Variants in CCDC158 observed in about 807,000 individuals in gnomAD.
The protein encoded by CCDC158 is coiled-coil domain containing 158, also known as coiled-coil domain-containing protein 158.
Under a neutral mutation model 138.6 loss-of-function variants are expected in CCDC158, and 116 were observed. That is an observed-to-expected ratio of 0.84 (90% CI 0.72 to 0.98). The LOEUF is 0.98. Ranked by LOEUF, CCDC158 falls within the 50% of genes least tolerant of loss-of-function variation. The probability of loss-of-function intolerance (pLI) is 0.00; values close to 1 mark genes in which losing one functional copy is unlikely to be tolerated. For missense variants in CCDC158, 1,265 were observed against 1,306.1 expected (o/e 0.97, Z 0.48); for synonymous variants, 436 against 442.4 (o/e 0.99, Z 0.18).
At chr4:76,313,910 T>C (rs1354236076) in intron 24 of CCDC158, among the ~76,000 whole-genome samples, 1 of 152,248 alleles carries the variant, frequency 6.6e-6, no homozygotes, top group African/African-American at 2.4e-5. Flanking sequence ...GCATAGTATT[T>C]ACTAGTATTT....
intron 24 of CCDC158, among the ~76,000 whole-genome samples, chr4:76,320,510 C>T (rs1318419150): frequency 6.6e-6 from 1 of 152,112 alleles, no homozygotes; most frequent in African/African-American, 2.4e-5. Flanking sequence ...AAGAACAAAT[C>T]TGGAGGCATC....
At chr4:76,346,323 T>C (rs1722540496) in intron 18 of CCDC158, among the ~76,000 whole-genome samples, 1 of 152,202 alleles carries the variant, frequency 6.6e-6, no homozygotes, top group Admixed American at 6.5e-5. Flanking sequence ...GACATAGGCA[T>C]GGGCAAAGAC....
intron 1 of CCDC158, among the ~76,000 whole-genome samples, chr4:76,420,654 C>A (rs1160555289): frequency 6.6e-6 from 1 of 152,186 alleles, no homozygotes; most frequent in African/African-American, 2.4e-5. Context: ...GCGCGGTAGA[C>A]ACAGAGTCAG....
chr4:76,416,059 T>C (rs1045594310), intron 1 of CCDC158, among the ~76,000 whole-genome samples: 8 of 152,354 alleles, frequency 5.3e-5, no homozygotes, highest in Admixed American at 5.2e-4. Context: ...CACCTGGCTC[T>C]GCCTTTTAGA....
chr4:76,331,081 A>C (rs991897820), intron 21 of CCDC158, among the ~76,000 whole-genome samples: 1 of 152,178 alleles, frequency 6.6e-6, no homozygotes, highest in South Asian at 2.1e-4. Flanking sequence ...ATAATTGTTA[A>C]TATATATAGA....
At chr4:76,361,345 G>A (rs879874109) in intron 13 of CCDC158, among the ~76,000 whole-genome samples, 14 of 152,070 alleles carry the variant, frequency 9.2e-5, no homozygotes, top group East Asian at 1.9e-4. Flanking sequence ...GGTGGATCAC[G>A]AGGTCAGGAG....
upstream of CCDC158, among the ~76,000 whole-genome samples, chr4:76,421,145 C>T (rs1475949922): frequency 6.6e-6 from 1 of 151,982 alleles, no homozygotes; most frequent in African/African-American, 2.4e-5. Flanking sequence ...GGAAGCTGCC[C>T]GCGCCCGTCA....
intron 9 of CCDC158, among the ~76,000 whole-genome samples, chr4:76,374,997 C>G (rs1368878738): frequency 1.3e-5 from 2 of 152,142 alleles, no homozygotes; most frequent in Admixed American, 6.5e-5. Context: ...TGCTATAGGT[C>G]TGCTTTTACC....
chr4:76,358,605 T>C (rs970060745), intron 13 of CCDC158, among the ~76,000 whole-genome samples: 1 of 152,184 alleles, frequency 6.6e-6, no homozygotes, highest in African/African-American at 2.4e-5. Context: ...CATTTGCCCA[T>C]AATGTTCTCT....
intron 3 of CCDC158, among the ~76,000 whole-genome samples, chr4:76,397,685 C>A (rs1467553517): frequency 1.3e-5 from 2 of 152,122 alleles, no homozygotes; most frequent in Non-Finnish European, 2.9e-5. Flanking sequence ...AGGAAAGACA[C>A]AAATATGAAT....
chr4:76,367,522 T>C lies in CCDC158; in HGVS notation c.1602A>G (p.Gln534=). Reference sequence around the variant, plus strand: ...GATGATCCCCTTCATTTTTCAAGTGTTGCAGCTCCTGCAATTTCAAGTCCA... The same window carrying C: ...GATGATCCCCTTCATTTTTCAAGTGCTGCAGCTCCTGCAATTTCAAGTCCA... ...SRVDLKLQEL[Q]HLKNEGDHLR... is the part of the protein sequence containing the mutation. The change falls in exon 12 of 25, where the codon CAA becomes CAG. Residue 534 remains glutamine, a synonymous_variant. Transcript: ENST00000682701. 1 of 1,614,240 alleles carries C rather than the reference T, an allele frequency of 6.2e-7. No individual in the cohort carries two copies. The highest frequency in any genetic ancestry group is 1.3e-5 in the African/African-American group (1 of 75,060).
At chr4:76,346,572 T>C (rs1267870095) in intron 18 of CCDC158, among the ~76,000 whole-genome samples, 1 of 152,132 alleles carries the variant, frequency 6.6e-6, no homozygotes, top group Non-Finnish European at 1.5e-5. Context: ...TAGCTGGGCA[T>C]GGTGGCACGT....
chr4:76,419,825 AT>A (rs1729971366), intron 1 of CCDC158, among the ~76,000 whole-genome samples: 1 of 150,858 alleles, frequency 6.6e-6, no homozygotes, highest in South Asian at 2.1e-4. Context: ...GACCTGACAT[AT>A]TTGAGTGGCC....
chr4:76,370,247 A>G (rs7665248), intron 10 of CCDC158, among the ~76,000 whole-genome samples: 4,471 of 152,330 alleles, frequency 0.029, 221 homozygotes, highest in African/African-American at 0.1. Context: ...TCATTAAAGG[A>G]ACAAAGATAA....
intron 2 of CCDC158, among the ~76,000 whole-genome samples, chr4:76,410,355 T>G (rs1729201484): frequency 6.6e-6 from 1 of 152,082 alleles, no homozygotes; most frequent in Non-Finnish European, 1.5e-5. Context: ...CAACTAATTT[T>G]TGTATTTTTA....
At chr4:76,405,514 C>T (rs987230718) in intron 2 of CCDC158, among the ~76,000 whole-genome samples, 1 of 152,020 alleles carries the variant, frequency 6.6e-6, no homozygotes, top group Non-Finnish European at 1.5e-5. Context: ...TAAAGACAAA[C>T]ATTTAAAAAA....
chr4:76,325,704 C>G (rs1279849745), intron 23 of CCDC158, among the ~76,000 whole-genome samples, 153 bp downstream of exon 23: 1 of 152,160 alleles, frequency 6.6e-6, no homozygotes, highest in Admixed American at 6.6e-5. Context: ...AATAGCTGTT[C>G]TATTTAAAAA....
chr4:76,411,339 C>T (rs1009548369), intron 2 of CCDC158, among the ~76,000 whole-genome samples: 1 of 152,020 alleles, frequency 6.6e-6, no homozygotes, highest in Non-Finnish European at 1.5e-5. Context: ...GAGTTCAAGG[C>T]TGTAATCAGC....
chr4:76,334,580 A>G (rs2110110853), intron 18 of CCDC158, among the ~76,000 whole-genome samples: 1 of 152,344 alleles, frequency 6.6e-6, no homozygotes, highest in Non-Finnish European at 1.5e-5. Flanking sequence ...AGCTATTTAG[A>G]GATGAGTTAA....
Sources: allele counts gnomAD v4.1 joint callset (sites outside exome capture counted in the v4.1 genomes callset), GRCh38; gene constraint gnomAD v4.1.1; transcripts MANE v1.5; gene names NCBI Gene and HGNC (gene_info 2026-07-23, HGNC 2026-07-21).